Variants in MAF observed in about 807,000 individuals in gnomAD.
The protein encoded by MAF is transcription factor Maf.
In MAF, 10 loss-of-function variants were observed where a neutral mutation model predicts 22.0. That is an observed-to-expected ratio of 0.45 (90% CI 0.28 to 0.77). The LOEUF (loss-of-function observed/expected upper bound fraction) is 0.77. Ranked by LOEUF, MAF falls within the 30% of genes least tolerant of loss-of-function variation. The probability of loss-of-function intolerance (pLI) is 0.12; values close to 1 mark genes in which losing one functional copy is unlikely to be tolerated. For synonymous variants in MAF, 337 were observed against 255.8 expected, an observed-to-expected ratio of 1.32 and a Z score of -3.03; for missense variants, 544 against 548.4, an observed-to-expected ratio of 0.99 and a Z score of 0.08.
chr16:79,344,555 C>T, the MAF span, among the ~76,000 whole-genome samples: 1 of 152,164 alleles, frequency 6.6e-6, no homozygotes, highest in African/African-American at 2.4e-5. Flanking sequence ...GATAGGTTTC[C>T]ACGTCCCATC....
the MAF span, among the ~76,000 whole-genome samples, chr16:79,452,386 A>C: frequency 6.6e-6 from 1 of 152,232 alleles, no homozygotes; most frequent in East Asian, 1.9e-4. Flanking sequence ...AATTTAAATA[A>C]AAGTCTATCT....
At chr16:79,410,664 G>A in the MAF span, among the ~76,000 whole-genome samples, 1 of 152,160 alleles carries the variant, frequency 6.6e-6, no homozygotes, top group Non-Finnish European at 1.5e-5. Context: ...TGAGGGCAAA[G>A]AAAAAAGAGT....
the MAF span, among the ~76,000 whole-genome samples, chr16:79,267,861 A>T: frequency 2.0e-5 from 3 of 152,120 alleles, no homozygotes; most frequent in East Asian, 3.9e-4. Context: ...TTCCACTAAG[A>T]CTAGGAGGTG....
chr16:79,461,127 T>G, the MAF span, among the ~76,000 whole-genome samples: 2 of 152,194 alleles, frequency 1.3e-5, no homozygotes, highest in Non-Finnish European at 2.9e-5. Context: ...TTATAAAAAT[T>G]AGAGCTTATG....
At chr16:79,505,434 G>A in the MAF span, among the ~76,000 whole-genome samples, 7 of 152,292 alleles carry the variant, frequency 4.6e-5, no homozygotes, top group Middle Eastern at 3.4e-3. Context: ...GCTTGTCAAA[G>A]GAGGAAGATT....
the MAF span, among the ~76,000 whole-genome samples, chr16:79,245,281 A>C: frequency 6.6e-6 from 1 of 152,066 alleles, no homozygotes; most frequent in Non-Finnish European, 1.5e-5. Context: ...TGAACAGGAA[A>C]CCTACAGAAT....
the MAF span, among the ~76,000 whole-genome samples, chr16:79,496,315 T>C: frequency 6.6e-6 from 1 of 152,180 alleles, no homozygotes; most frequent in Non-Finnish European, 1.5e-5. Flanking sequence ...TTGCAGATGG[T>C]ATTGTAACAA....
the MAF span, among the ~76,000 whole-genome samples, chr16:79,325,606 C>CACACACACAA: frequency 8.6e-6 from 1 of 116,012 alleles, no homozygotes; most frequent in South Asian, 2.7e-4. Flanking sequence ...CAAACACACA[C>CACACACACAA]ACACACACAC....
the MAF span, among the ~76,000 whole-genome samples, chr16:79,552,606 T>A: frequency 6.3e-4 from 96 of 152,338 alleles, 2 homozygotes; most frequent in Admixed American, 6.3e-3. Context: ...CTTTTCTCAA[T>A]TCCTCAAAAA....
chr16:79,257,516 C>G, the MAF span, among the ~76,000 whole-genome samples: 1 of 152,160 alleles, frequency 6.6e-6, no homozygotes, highest in African/African-American at 2.4e-5. Context: ...TCTCACCCAG[C>G]TGCTTGGTGG....
the MAF span, among the ~76,000 whole-genome samples, chr16:79,288,380 C>CCGAG: frequency 2.6e-5 from 4 of 152,110 alleles, no homozygotes; most frequent in Non-Finnish European, 5.9e-5. Flanking sequence ...CATAAGAATC[C>CCGAG]CGAGGCTGCC....
the MAF span, among the ~76,000 whole-genome samples, chr16:79,454,827 C>A: frequency 6.7e-6 from 1 of 149,742 alleles, no homozygotes; most frequent in African/African-American, 2.5e-5. Flanking sequence ...ATTCTCACCA[C>A]TCCTCATGCC....
chr16:79,592,464 C>T (rs993957696), downstream of MAF, among the ~76,000 whole-genome samples: 3 of 152,136 alleles, frequency 2.0e-5, no homozygotes, highest in South Asian at 2.1e-4. Flanking sequence ...ACATCAAAAG[C>T]GAGAAAAGCA....
chr16:79,370,406 C>T, the MAF span, among the ~76,000 whole-genome samples: 7 of 152,196 alleles, frequency 4.6e-5, no homozygotes, highest in African/African-American at 9.7e-5. Context: ...CCTATGACAC[C>T]TCTGGACTCA....
the MAF span, among the ~76,000 whole-genome samples, chr16:79,370,352 C>G: frequency 6.6e-6 from 1 of 152,160 alleles, no homozygotes; most frequent in Non-Finnish European, 1.5e-5. Flanking sequence ...TCCCTTAAAA[C>G]ACCCCCAAAA....
At chr16:79,203,730 T>C in the MAF span, 1 of 152,162 alleles carries the variant, frequency 6.6e-6, no homozygotes, top group South Asian at 2.1e-4. Context: ...GGAGAAGCTG[T>C]TTGTTTTACC....
At chr16:79,269,658 T>C in the MAF span, among the ~76,000 whole-genome samples, 1 of 152,198 alleles carries the variant, frequency 6.6e-6, no homozygotes, top group Non-Finnish European at 1.5e-5. Context: ...ATGATAATTA[T>C]TCTGGTTTTG....
chr16:79,596,799 T>C (rs1171313637), intron 1 of MAF: 3 of 1,048,192 alleles, frequency 2.9e-6, no homozygotes, highest in Non-Finnish European at 3.5e-6. Context: ...AATACAACTG[T>C]AAAAAAATCT....
the MAF span, among the ~76,000 whole-genome samples, chr16:79,213,491 G>A: frequency 8.5e-4 from 129 of 152,358 alleles, no homozygotes; most frequent in Non-Finnish European, 1.6e-3. Flanking sequence ...TACACCTGGA[G>A]GGGATCACCC....
Sources: gnomAD v4.1 joint callset for allele counts (sites outside exome capture counted in the v4.1 genomes callset) on GRCh38, gnomAD v4.1.1 for gene constraint, MANE v1.5 for transcripts, NCBI Gene and HGNC (gene_info 2026-07-23, HGNC 2026-07-21) for gene names.